The following NUMBL variants were observed in gnomAD, a reference collection of about 807,000 sequenced individuals.
The protein encoded by NUMBL is numb-like protein.
NUMBL carries 20 observed loss-of-function variants against 48.9 expected under a neutral mutation model. The ratio of observed to expected loss-of-function variants is 0.41; its 90% CI spans 0.29 to 0.59. The LOEUF is 0.59. NUMBL is among the 20% of genes least tolerant of loss of function. The pLI, the probability that NUMBL is intolerant of heterozygous loss-of-function variation, is 0.31. For synonymous variants in NUMBL, 340 were observed against 348.7 expected (o/e 0.98, Z 0.28); for missense variants, 660 against 846.2 (o/e 0.78, Z 2.73).
Position 40,684,529 on chromosome 19 carries a change from C to T in NUMBL, c.137G>A (p.Arg46Gln). The T allele has an allele frequency of 1.2e-6, 2 of 1,609,842 alleles. No individual in the cohort carries two copies. Among genetic ancestry groups the T allele is most frequent in the South Asian group, 1.1e-5 (1 of 90,396 alleles). Reference sequence around the variant, plus strand: ...TGGCTTCCTCCGCCGCAGGCTCTGCCGTAACTTGTTCATGGTGCCCGCCCC... The same window carrying T: ...TGGCTTCCTCCGCCGCAGGCTCTGCTGTAACTTGTTCATGGTGCCCGCCCC... Reference protein sequence around the residue: ...PDGAGTMNKLRQSLRRRKPAY... With the variant: ...PDGAGTMNKLQQSLRRRKPAY... The change falls in exon 3 of 10, where the codon CGG becomes CAG. Residue 46 changes from arginine to glutamine, a missense_variant. Arg to Gln is a conservative substitution (Grantham distance 43). Transcript: ENST00000252891.
At chr19:40,681,241 G>T (rs915394999) in intron 5 of NUMBL, among the ~76,000 whole-genome samples, 184 bp from the exon 6 acceptor site, 1 of 152,148 alleles carries the variant, frequency 6.6e-6, no homozygotes, top group Non-Finnish European at 1.5e-5. Context: ...CCCATCACGA[G>T]ATGGGCAGCC....
intron 2 of NUMBL, 27 bp from the exon 3 acceptor site, chr19:40,684,583 T>C: frequency 6.3e-7 from 1 of 1,582,192 alleles, no homozygotes; most frequent in Non-Finnish European, 8.6e-7. Context: ...GTGATGTGGG[T>C]CAAGGGTGGG....
At chr19:40,678,133 T>C (rs556982970) in intron 6 of NUMBL, among the ~76,000 whole-genome samples, 38 of 152,196 alleles carry the variant, frequency 2.5e-4, no homozygotes, top group African/African-American at 5.1e-4. Context: ...GATCATGAGG[T>C]GGGGTCCTCA....
Position 40,688,570 on chromosome 19 carries a change from A to AAAACAGGC in NUMBL, c.25-1583_25-1576dup, listed in dbSNP as rs2081946029. ...AGTCCAGCACATACACACAGAGACA[A>AAAACAGGC]AAACAGGCACACAGCTACAGACCCC... On this transcript the variant is annotated intron_variant, in intron 1 of 9. Transcript: ENST00000252891. The surrounding 1 kb of genome is among the most constrained non-coding windows in gnomAD (Gnocchi z 4.6). Among the ~76,000 whole-genome samples the AAAACAGGC allele has an allele frequency of 1.3e-5, 2 of 152,190 alleles. No individual in the cohort carries two copies. The highest frequency in any genetic ancestry group is 1.3e-4 in the Admixed American group (2 of 15,280).
rs182536690 is a variant in NUMBL at position 40,673,095 on chromosome 19, A to G, written c.1036+249T>C. On this transcript the variant is annotated intron_variant, in intron 8 of 9. Transcript: ENST00000252891. This position sits in a 1 kb window ranked among gnomAD's most constrained non-coding sequence, Gnocchi z 5.9. ...CCACACCAGACATTGCTAACTGATC[A>G]TAACTTGTGATGCCTTTCTACTATC... Among the ~76,000 whole-genome samples, 1 of 152,292 alleles carries G rather than the reference A, an allele frequency of 6.6e-6. No individual in the cohort carries two copies. The highest frequency in any genetic ancestry group is 1.9e-4 in the East Asian group (1 of 5,176).
At chr19:40,680,808 C>G in intron 6 of NUMBL, 109 bp downstream of exon 6, 1 of 1,226,210 alleles carries the variant, frequency 8.2e-7, no homozygotes, top group Non-Finnish European at 1.2e-6. Flanking sequence ...GATGAGGAAA[C>G]TGGGCACACA....
At chr19:40,672,615 CAT>C (rs2081854049) in intron 8 of NUMBL, among the ~76,000 whole-genome samples, 2 of 152,240 alleles carry the variant, frequency 1.3e-5, no homozygotes, top group African/African-American at 4.8e-5. Context: ...TGGGTAAAAA[CAT>C]AACACTCTTG....
At chr19:40,690,312 T>C in intron 1 of NUMBL, 148 bp downstream of exon 1, 1 of 419,406 alleles carries the variant, frequency 2.4e-6, no homozygotes, top group Non-Finnish European at 4.0e-6. Flanking sequence ...TTTGGCTTGT[T>C]GGGCCTGTTC....
intron 7 of NUMBL, among the ~76,000 whole-genome samples, chr19:40,676,836 A>G (rs1168469586): frequency 6.6e-6 from 1 of 151,960 alleles, no homozygotes; most frequent in Non-Finnish European, 1.5e-5. Context: ...ATTTTTTGAG[A>G]CAGAGTCTCA....
At chr19:40,684,971 C>A in intron 2 of NUMBL, 1 of 191,966 alleles carries the variant, frequency 5.2e-6, no homozygotes, top group Non-Finnish European at 1.1e-5. Context: ...TCAGGGGCCG[C>A]ACGGTCAGGG....
In NUMBL at chr19:40,686,938, GC is replaced by G; in HGVS notation, c.81del (p.Pro29GlnfsTer14). ...HLPPAPCGAP[G>X]PPETCRTEPD... ...GGCTCCGTCCTGCAGGTTTCTGGGG[GC>G]CCCGGGGCCCCACAGGGGGCTGGGG... On this transcript the variant is annotated frameshift_variant, in exon 2 of 10. Transcript: ENST00000252891. LOFTEE classifies it high-confidence loss of function. 1 of 1,545,576 alleles carries G rather than the reference GC, an allele frequency of 6.5e-7. No individual in the cohort carries two copies. The highest frequency in any genetic ancestry group is 8.7e-7 in the Non-Finnish European group (1 of 1,143,762).
At chr19:40,677,674 G>A (rs556896882) in intron 6 of NUMBL, among the ~76,000 whole-genome samples, 3 of 152,262 alleles carry the variant, frequency 2.0e-5, no homozygotes, top group East Asian at 3.9e-4. Flanking sequence ...CTAATCTATG[G>A]TTCTATGGTG....
At chr19:40,680,876 G>T in intron 6 of NUMBL, 41 bp downstream of exon 6, 1 of 1,612,090 alleles carries the variant, frequency 6.2e-7, no homozygotes, top group Non-Finnish European at 8.5e-7. Context: ...GGGATGCCAG[G>T]GCATGGGAGG....
chr19:40,680,855 G>C (rs2081901511), intron 6 of NUMBL, 62 bp downstream of exon 6: 2 of 1,583,016 alleles, frequency 1.3e-6, no homozygotes, highest in Non-Finnish European at 8.7e-7. Context: ...GAAGCTTGTA[G>C]GGGTGGGGCT....
At chr19:40,675,141 T>TAA (rs2081868094) in intron 7 of NUMBL, among the ~76,000 whole-genome samples, 2 of 11,314 alleles carry the variant, frequency 1.8e-4, no homozygotes, top group Non-Finnish European at 2.6e-4. Flanking sequence ...AGACTCTGTC[T>TAA]CAAAAAAAAA....
intron 7 of NUMBL, among the ~76,000 whole-genome samples, chr19:40,675,016 G>A (rs2081867172): frequency 1.3e-5 from 2 of 151,820 alleles, no homozygotes; most frequent in Admixed American, 1.3e-4. Flanking sequence ...GGTGGCACAC[G>A]CCTGGGATTC....
At position 40,667,361 on chromosome 19, in the gene NUMBL, G is replaced by A. The variant is rs2081815263; in HGVS notation, c.*107C>T. The A allele has an allele frequency of 3.4e-6, 5 of 1,452,104 alleles. No homozygotes were observed. Among genetic ancestry groups the A allele is most frequent in the Non-Finnish European group, 4.6e-6 (5 of 1,091,726 alleles). The allele number at this position is 1,452,104 out of a possible 1,614,324, so 90.0% of individuals were successfully genotyped here. ...TGGTTGAGGGAGGGGGGTGTTGAGA[G>A]GGTGTTGAGGGGCGCAGCCCCAGGG... On this transcript the variant is annotated 3_prime_UTR_variant, in exon 10 of 10. Transcript: ENST00000252891. The surrounding 1 kb of genome is among the most constrained non-coding windows in gnomAD (Gnocchi z 6.1).
At position 40,688,718 on chromosome 19, in the gene NUMBL, G is replaced by A. The variant is rs2081946668; in HGVS notation, c.25-1723C>T. Among the ~76,000 whole-genome samples the A allele has an allele frequency of 6.6e-6, 1 of 152,106 alleles. No homozygotes were observed. The highest frequency in any genetic ancestry group is 2.1e-4 in the South Asian group (1 of 4,830). Reference sequence around the variant, plus strand: ...CACACCCCTACAAACATAATTTCCTGGCACCAGCACGGAGACACATCCACA... The same window carrying A: ...CACACCCCTACAAACATAATTTCCTAGCACCAGCACGGAGACACATCCACA... On this transcript the variant is annotated intron_variant, in intron 1 of 9. Transcript: ENST00000252891. The surrounding 1 kb of genome is among the most constrained non-coding windows in gnomAD (Gnocchi z 4.6).
chr19:40,690,477 G>T lies in NUMBL; in HGVS notation c.7C>A (p.Arg3Ser). ...CTTCTCACGCTGGCCGCCGCGCTGC[G>T]GGACATCCAGGGCCCGGGCGCCCCC... MS[R>S]SAAASGGPRR... The change falls in exon 1 of 10, where the codon CGC (arginine) becomes AGC (serine). Residue 3 changes from arginine to serine, a missense_variant. By Grantham distance (110) the Arg-to-Ser change is moderately radical. Around this residue, in one of 3 missense-constraint regions of NUMBL, gnomAD observed 86 missense variants for 85.9 expected, o/e 1.00. Coordinates refer to ENST00000252891, the MANE Select transcript of NUMBL (RefSeq NM_004756.5). The T allele has an allele frequency of 2.3e-6, 3 of 1,305,876 alleles. No homozygotes were observed. Among genetic ancestry groups the T allele is most frequent in the Non-Finnish European group, 2.9e-6 (3 of 1,023,844 alleles). 80.9% of individuals were successfully genotyped at this position (1,305,876 alleles called of 1,614,324 possible).
Sources: allele counts gnomAD v4.1 joint callset (sites outside exome capture counted in the v4.1 genomes callset), GRCh38; gene constraint gnomAD v4.1.1; regional missense constraint gnomAD v4.1.1; non-coding constraint Gnocchi (gnomAD v3.1); transcripts MANE v1.5; gene names NCBI Gene and HGNC (gene_info 2026-07-23, HGNC 2026-07-21).